The following POTED variants were observed in gnomAD, a reference collection of about 807,000 sequenced individuals.
POTED encodes POTE ankyrin domain family member D.
In POTED, 7 loss-of-function variants were observed where a neutral mutation model predicts 19.0. That is an observed-to-expected ratio of 0.37 (90% CI 0.21 to 0.69). The LOEUF is 0.69. Ranked by LOEUF, POTED falls within the 30% of genes least tolerant of loss-of-function variation. The pLI is 0.56. For synonymous variants in POTED, 16 were observed against 92.0 expected, an observed-to-expected ratio of 0.17 and a Z score of 4.73; for missense variants, 54 against 278.5, an observed-to-expected ratio of 0.19 and a Z score of 5.74.
rs1251528026 is a variant in POTED at position 13,610,637 on chromosome 21, C to T, written c.409C>T (p.Arg137Ter). 2.8e-6 allele frequency: 3 copies of T among 1,076,840 alleles called. 1 individual carries two copies. The highest frequency in any genetic ancestry group is 3.6e-6 in the Non-Finnish European group (3 of 832,430). 66.7% of individuals were successfully genotyped at this position (1,076,840 alleles called of 1,614,324 possible). A position where few individuals can be genotyped will look rare whatever the true frequency, so the allele number is the denominator to read the frequency against. Residue 137 changes from arginine (R) to a stop codon, truncating the protein, a stop_gained, in exon 1 of 11, where the codon CGA becomes TGA. Coordinates refer to ENST00000299443, the MANE Select transcript of POTED (RefSeq NM_174981.6). LOFTEE classifies it high-confidence loss of function. ...AFMEPRYHIR[R>*]EDLDKLHRAA... ...CATGGAGCCGAGGTACCACATCCGT[C>T]GAGAAGATCTGGACAAGCTCCACAG...
chr21:13,639,625 A>G lies in POTED; in HGVS notation c.1520A>G (p.Lys507Arg). 1 of 639,942 alleles carries G rather than the reference A, an allele frequency of 1.6e-6. No homozygotes were observed. Among genetic ancestry groups the G allele is most frequent in the Non-Finnish European group, 2.1e-6 (1 of 475,646 alleles). The allele number at this position is 639,942 out of a possible 1,614,324, so 39.6% of individuals were successfully genotyped here. Residue 507 changes from lysine to arginine, a missense_variant, in exon 10 of 11, where the codon AAA (lysine) becomes AGA (arginine). By Grantham distance (26) the Lys-to-Arg change is conservative (BLOSUM62 2). Transcript: ENST00000299443. ...AAGCAGATAGAAGTGGCTGAACAGA[A>G]AATGAATTCTGAGGTATTTTCTTTA... ...KQKQIEVAEQ[K>R]MNSELSLSHK...
intron 10 of POTED, among the ~76,000 whole-genome samples, chr21:13,640,212 AT>A (rs1441352029): frequency 3.2e-5 from 2 of 61,912 alleles, no homozygotes; most frequent in Admixed American, 1.4e-4. Context: ...CATGATACAC[AT>A]TTAGTGATAA....
chr21:13,637,004 A>AT lies in POTED; in HGVS notation c.1410-2496dup, dbSNP rs1208399825. ...TACCCAGTCTCAGGTATATATATAT[A>AT]TTTTTTTTTTTTTTTCTTTATTCCA... is the stretch of plus-strand genomic sequence containing the variant. On this transcript the variant is annotated intron_variant, in intron 9 of 10. Coordinates refer to ENST00000299443, the MANE Select transcript of POTED (RefSeq NM_174981.6). Among the ~76,000 whole-genome samples, 47 of 16,420 alleles carry AT rather than the reference A, an allele frequency of 2.9e-3. 3 individuals carry two copies. The highest frequency in any genetic ancestry group is 4.3e-3 in the Non-Finnish European group (44 of 10,238). The allele number at this position is 16,420 out of a possible 152,430, so 10.8% of individuals were successfully genotyped here.
At chr21:13,616,171 T>TG (rs1568896623) in intron 3 of POTED, among the ~76,000 whole-genome samples, 3 of 97,482 alleles carry the variant, frequency 3.1e-5, no homozygotes, top group African/African-American at 5.1e-5. Context: ...TGTGTGTGTG[T>TG]TGTTACTGTT....
rs2011137148 is a variant in POTED, at chr21:13,610,582, C to T, written c.354C>T (p.Gly118=). 4 of 1,077,730 alleles carry T rather than the reference C, an allele frequency of 3.7e-6. 2 individuals are homozygous for T. The highest frequency in any genetic ancestry group is 2.4e-6 in the Non-Finnish European group (2 of 832,434). The allele number at this position is 1,077,730 out of a possible 1,614,324, so 66.8% of individuals were successfully genotyped here. A position where few individuals can be genotyped will look rare whatever the true frequency, so the allele number is the denominator to read the frequency against. The change falls in exon 1 of 11, where the codon GGC becomes GGT. Residue 118 remains glycine, a synonymous_variant. Transcript: ENST00000299443. ...CCRGSGKSNV[G]AWGDYDHSAF... The stretch of plus-strand genomic sequence containing the variant: ...GGGGGAGCGGCAAGAGCAACGTGGG[C>T]GCTTGGGGAGACTACGACCACAGCG...
At chr21:13,619,723 A>G (rs906842379) in intron 4 of POTED, among the ~76,000 whole-genome samples, 2 of 15,098 alleles carry the variant, frequency 1.3e-4, no homozygotes, top group Admixed American at 1.2e-3. Context: ...TGTGACTACT[A>G]TTCTTACCAT....
chr21:13,610,797 G>C lies in POTED; in HGVS notation c.521+48G>C, dbSNP rs1352365175. The C allele has an allele frequency of 3.8e-6, 4 of 1,060,622 alleles. 1 individual carries two copies. The Admixed American group carries it at 9.7e-5, about 26-fold the overall frequency. The allele number at this position is 1,060,622 out of a possible 1,614,324, so 65.7% of individuals were successfully genotyped here. A position where few individuals can be genotyped will look rare whatever the true frequency, so the allele number is the denominator to read the frequency against. Reference sequence around the variant, plus strand: ...GAGGCAGGACATGGGGGGATGATGGGGACATACCCTCCTGGCGCAGGGAGG... The same window carrying C: ...GAGGCAGGACATGGGGGGATGATGGCGACATACCCTCCTGGCGCAGGGAGG... On this transcript the variant is annotated intron_variant, in intron 1 of 10. Transcript: ENST00000299443.
At chr21:13,639,668 T>C in intron 10 of POTED, 30 bp downstream of exon 10, 1 of 444,200 alleles carries the variant, frequency 2.3e-6, no homozygotes, top group Non-Finnish European at 3.3e-6. Context: ...TCAAATGTTT[T>C]CATATGTGTA....
At position 13,637,004 on chromosome 21, in the gene POTED, ATT is replaced by A. The variant is rs1208399825; in HGVS notation, c.1410-2497_1410-2496del. ...TACCCAGTCTCAGGTATATATATAT[ATT>A]TTTTTTTTTTTTTCTTTATTCCACT... On this transcript the variant is annotated intron_variant, in intron 9 of 10. Coordinates refer to ENST00000299443, the MANE Select transcript of POTED (RefSeq NM_174981.6). 8.0e-3 allele frequency among the ~76,000 whole-genome samples: 131 copies of A among 16,452 alleles called. 44 individuals are homozygous for A. The highest frequency in any genetic ancestry group is 0.077 in the Middle Eastern group (2 of 26). The allele number at this position is 16,452 out of a possible 152,430, so 10.8% of individuals were successfully genotyped here. A position where few individuals can be genotyped will look rare whatever the true frequency, so the allele number is the denominator to read the frequency against.
intron 3 of POTED, among the ~76,000 whole-genome samples, chr21:13,616,011 C>T (rs1047258506): frequency 1.8e-4 from 2 of 11,240 alleles, no homozygotes; most frequent in Non-Finnish European, 2.7e-4. Context: ...TGATGTATCT[C>T]TCAGTGGCAA....
rs1164196573 is a variant in POTED, at chr21:13,636,662, C to A, written c.1410-2853C>A. ...TTGATATTTTAAAAGTAAGGATACA[C>A]CCCCCCCCCAATAGTTTGGCTTTGT... On this transcript the variant is annotated intron_variant, in intron 9 of 10. Transcript: ENST00000299443. 3.1e-5 allele frequency among the ~76,000 whole-genome samples: 2 copies of A among 65,026 alleles called. 1 individual carries two copies. The highest frequency in any genetic ancestry group is 5.2e-5 in the Non-Finnish European group (2 of 38,306). The allele number at this position is 65,026 out of a possible 152,430, so 42.7% of individuals were successfully genotyped here. A position where few individuals can be genotyped will look rare whatever the true frequency, so the allele number is the denominator to read the frequency against.
intron 10 of POTED, 143 bp downstream of exon 10, chr21:13,639,781 TAC>T (rs150801476): frequency 0.032 from 10,858 of 340,500 alleles, 9 homozygotes; most frequent in East Asian, 0.041. Context: ...TGTATATATA[TAC>T]ACACACACAC....
rs1398101897 is a variant in POTED at position 13,645,113 on chromosome 21, A to G, written c.*3547A>G. On this transcript the variant is annotated 3_prime_UTR_variant, in exon 11 of 11. Coordinates refer to ENST00000299443, the MANE Select transcript of POTED (RefSeq NM_174981.6). Reference sequence around the variant, plus strand: ...TGGGATTATATAAACGACCAAATCTATGACTGATTAATGTACCTGAAAGAG... The same window carrying G: ...TGGGATTATATAAACGACCAAATCTGTGACTGATTAATGTACCTGAAAGAG... Among the ~76,000 whole-genome samples the G allele has an allele frequency of 2.3e-5, 3 of 128,486 alleles. No homozygotes were observed. Among genetic ancestry groups the G allele is most frequent in the South Asian group, 4.6e-4 (2 of 4,376 alleles). 84.3% of individuals were successfully genotyped at this position (128,486 alleles called of 152,430 possible). A position where few individuals can be genotyped will look rare whatever the true frequency, so the allele number is the denominator to read the frequency against.
chr21:13,616,138 T>TTGTGTGTGTGTGTGTG lies in POTED; in HGVS notation c.810+586_810+601dup, dbSNP rs61117870. 3.6e-4 allele frequency among the ~76,000 whole-genome samples: 31 copies of TTGTGTGTGTGTGTGTG among 85,028 alleles called. 3 individuals carry two copies. The highest frequency in any genetic ancestry group is 7.0e-3 in the Middle Eastern group (1 of 142). 55.8% of individuals were successfully genotyped at this position (85,028 alleles called of 152,430 possible). A position where few individuals can be genotyped will look rare whatever the true frequency, so the allele number is the denominator to read the frequency against. On this transcript the variant is annotated intron_variant, in intron 3 of 10. Coordinates refer to ENST00000299443, the MANE Select transcript of POTED (RefSeq NM_174981.6). ...AATGGGGGAAAAGACCATGAAGAGGTTGTGTGTGTGTGTGTGTGTGTGTGT... is the reference window on the plus strand; with the variant it reads ...AATGGGGGAAAAGACCATGAAGAGGTTGTGTGTGTGTGTGTGTGTGTGTGTGTGTGTGTGTGTGTGT...
chr21:13,611,466 T>C (rs13051055), intron 1 of POTED, among the ~76,000 whole-genome samples: 8,421 of 59,770 alleles, frequency 0.14, 2,358 homozygotes, highest in Admixed American at 0.21. Flanking sequence ...GCTGAAAAGA[T>C]ATAAATGAAC....
intron 9 of POTED, among the ~76,000 whole-genome samples, chr21:13,634,474 T>G (rs533610332): frequency 1.2e-5 from 1 of 81,648 alleles, no homozygotes; most frequent in Admixed American, 1.0e-4. Context: ...TCCTCCTAAT[T>G]ATCTCCCTTG....
intron 1 of POTED, among the ~76,000 whole-genome samples, chr21:13,612,195 G>C (rs1305862762): frequency 1.3e-5 from 1 of 74,840 alleles, no homozygotes; most frequent in Admixed American, 1.1e-4. Context: ...TGAAAGGCCA[G>C]CCATGGTGGC....
intron 9 of POTED, among the ~76,000 whole-genome samples, chr21:13,637,004 A>ATATATATATATATATATATATATTTTT (rs1481200854): frequency 6.1e-5 from 1 of 16,468 alleles, no homozygotes; most frequent in African/African-American, 8.8e-4. Context: ...ATATATATAT[A>ATATATATATATATATATATATATTTTT]TTTTTTTTTT....
rs8130373 is a variant in POTED, at chr21:13,645,484, A to G, written c.*3918A>G. Among the ~76,000 whole-genome samples, 5,584 of 132,978 alleles carry G rather than the reference A, an allele frequency of 0.042. 580 individuals are homozygous for G. The highest frequency in any genetic ancestry group is 0.12 in the Middle Eastern group (29 of 242). 87.2% of individuals were successfully genotyped at this position (132,978 alleles called of 152,430 possible). The stretch of plus-strand genomic sequence containing the variant: ...AATTTCATGTCCAGCAAAATTAAGC[A>G]TCATAAGTGAAGGAGAAACAAGATC... On this transcript the variant is annotated 3_prime_UTR_variant, in exon 11 of 11. Transcript: ENST00000299443.
Sources: gnomAD v4.1 joint callset for allele counts (sites outside exome capture counted in the v4.1 genomes callset) on GRCh38, gnomAD v4.1.1 for gene constraint, MANE v1.5 for transcripts, NCBI Gene and HGNC (gene_info 2026-07-23, HGNC 2026-07-21) for gene names.